REEP3: variants seen among roughly 807,000 people sequenced by gnomAD.
REEP3 encodes receptor accessory protein 3, also known as receptor expression-enhancing protein 3.
REEP3 carries 20 observed loss-of-function variants against 41.3 expected under a neutral mutation model. That is an observed-to-expected ratio of 0.48 (90% CI 0.34 to 0.70). REEP3 has a LOEUF of 0.70. Among genes scored for constraint, REEP3 ranks in the 30% least tolerant of loss-of-function variants. The pLI is 0.01. For synonymous variants in REEP3, 104 were observed against 101.8 expected, an observed-to-expected ratio of 1.02 and a Z score of -0.13; for missense variants, 271 against 308.8, an observed-to-expected ratio of 0.88 and a Z score of 0.92.
At chr10:63,546,855 T>C (rs920494700) in intron 1 of REEP3, among the ~76,000 whole-genome samples, 1 of 152,114 alleles carries the variant, frequency 6.6e-6, no homozygotes, top group African/African-American at 2.4e-5. Flanking sequence ...AAAAAATAAA[T>C]TCCAGTTGGA....
chr10:63,597,296 A>C (rs769767019), intron 3 of REEP3, among the ~76,000 whole-genome samples: 2 of 152,174 alleles, frequency 1.3e-5, no homozygotes, highest in Non-Finnish European at 2.9e-5. Flanking sequence ...ACGTGTGTGT[A>C]TGGGGTAGAC....
intron 2 of REEP3, among the ~76,000 whole-genome samples, chr10:63,573,888 C>T (rs6479908): frequency 3.9e-5 from 6 of 151,926 alleles, no homozygotes; most frequent in African/African-American, 1.5e-4. Context: ...AAAGATTAGC[C>T]TACTGATTAT....
At chr10:63,526,537 G>C (rs1158956121) in intron 1 of REEP3, among the ~76,000 whole-genome samples, 1 of 152,074 alleles carries the variant, frequency 6.6e-6, no homozygotes, top group Non-Finnish European at 1.5e-5. Context: ...TAGCAGCAAT[G>C]TGTGAGTACT....
intron 1 of REEP3, among the ~76,000 whole-genome samples, chr10:63,540,362 G>A (rs1302655194): frequency 6.6e-6 from 1 of 152,186 alleles, no homozygotes; most frequent in South Asian, 2.1e-4. Flanking sequence ...CATTTAAGCT[G>A]CCTTGAAAAG....
chr10:63,613,158 T>C (rs150029912), intron 6 of REEP3, among the ~76,000 whole-genome samples: 6,904 of 152,132 alleles, frequency 0.045, 238 homozygotes, highest in African/African-American at 0.091. Context: ...ATTAAAGGCG[T>C]GCACCACCAC....
At chr10:63,549,863 G>A (rs1389278789) in intron 1 of REEP3, among the ~76,000 whole-genome samples, 1 of 152,152 alleles carries the variant, frequency 6.6e-6, no homozygotes, top group Non-Finnish European at 1.5e-5. Context: ...CATAACCCAG[G>A]ATTGAAGTTG....
intron 1 of REEP3, among the ~76,000 whole-genome samples, chr10:63,553,140 G>A (rs1955645117): frequency 6.6e-6 from 1 of 152,154 alleles, no homozygotes; most frequent in Non-Finnish European, 1.5e-5. Flanking sequence ...GTTAATGAAA[G>A]ACAGTAAACA....
intron 1 of REEP3, among the ~76,000 whole-genome samples, chr10:63,560,332 A>G (rs1207224376): frequency 6.6e-6 from 1 of 152,176 alleles, no homozygotes; most frequent in African/African-American, 2.4e-5. Context: ...TTATTAAACC[A>G]TTATTTATAC....
chr10:63,604,098 A>G (rs1589885885), intron 5 of REEP3, among the ~76,000 whole-genome samples: 1 of 152,358 alleles, frequency 6.6e-6, no homozygotes, highest in East Asian at 1.9e-4. Context: ...AAGAACGGGT[A>G]ATAACGCTGA....
intron 1 of REEP3, among the ~76,000 whole-genome samples, chr10:63,545,316 A>G (rs577908683): frequency 6.6e-6 from 1 of 152,308 alleles, no homozygotes; most frequent in African/African-American, 2.4e-5. Flanking sequence ...ACCTATTTGA[A>G]ACTGTGTATT....
At chr10:63,535,103 G>C (rs1254025829) in intron 1 of REEP3, among the ~76,000 whole-genome samples, 1 of 152,012 alleles carries the variant, frequency 6.6e-6, no homozygotes, top group African/African-American at 2.4e-5. Flanking sequence ...AATTTTTAAA[G>C]ATTAGAAATA....
At chr10:63,544,114 A>G (rs1207484344) in intron 1 of REEP3, among the ~76,000 whole-genome samples, 1 of 152,246 alleles carries the variant, frequency 6.6e-6, no homozygotes, top group Non-Finnish European at 1.5e-5. Flanking sequence ...AAAAGGCCCC[A>G]GTCAGAGAGA....
intron 2 of REEP3, among the ~76,000 whole-genome samples, chr10:63,593,677 C>T (rs1002980742): frequency 5.9e-5 from 9 of 152,010 alleles, no homozygotes; most frequent in South Asian, 2.1e-4. Flanking sequence ...GTACTGAGGT[C>T]GATGAAAAAA....
chr10:63,586,477 T>G (rs1348521403), intron 2 of REEP3, among the ~76,000 whole-genome samples: 2 of 152,200 alleles, frequency 1.3e-5, no homozygotes, highest in Non-Finnish European at 2.9e-5. Flanking sequence ...ATTTGAGGAT[T>G]ATTTTACTTA....
At chr10:63,544,817 T>A (rs1201135369) in intron 1 of REEP3, among the ~76,000 whole-genome samples, 1 of 152,206 alleles carries the variant, frequency 6.6e-6, no homozygotes, top group Non-Finnish European at 1.5e-5. Context: ...TTGGTAAAAC[T>A]GCTATTGGAA....
chr10:63,595,102 T>C (rs1956101624), intron 3 of REEP3, among the ~76,000 whole-genome samples: 1 of 152,188 alleles, frequency 6.6e-6, no homozygotes, highest in Non-Finnish European at 1.5e-5. Context: ...CCCAGTATCT[T>C]GGAATAGGGA....
rs191943769 is a variant in REEP3, at chr10:63,600,989, C to G, written c.417+1706C>G. On this transcript the variant is annotated intron_variant, in intron 5 of 7. Transcript: ENST00000373758. Reference sequence around the variant, plus strand: ...CCAACATGGTGAAACCCCGTCTCTACTAAAAATACAAAGATTAGCTGGGCG... The same window carrying G: ...CCAACATGGTGAAACCCCGTCTCTAGTAAAAATACAAAGATTAGCTGGGCG... Among the ~76,000 whole-genome samples the G allele has an allele frequency of 2.0e-5, 3 of 152,090 alleles. 1 individual carries two copies. The East Asian group carries it at 5.8e-4, about 30-fold the overall frequency.
chr10:63,580,024 A>G (rs1471955698), intron 2 of REEP3, among the ~76,000 whole-genome samples: 1 of 152,250 alleles, frequency 6.6e-6, no homozygotes, highest in Non-Finnish European at 1.5e-5. Context: ...CATTGACTAT[A>G]AGAGAAATCA....
In REEP3 at chr10:63,602,614, C is replaced by A. The variant is rs112841499; in HGVS notation, c.417+3331C>A. 3.0e-3 allele frequency among the ~76,000 whole-genome samples: 455 copies of A among 152,288 alleles called. 2 individuals carry two copies. Among genetic ancestry groups the A allele is most frequent in the African/African-American group, 0.01 (422 of 41,554 alleles). On this transcript the variant is annotated intron_variant, in intron 5 of 7. Transcript: ENST00000373758. ...TCCCATTTTTCCTCCTCACTTTTAA[C>A]ATTTGTGTATAATAATCTATTATTC...
Sources: allele counts gnomAD v4.1 joint callset (sites outside exome capture counted in the v4.1 genomes callset), GRCh38; gene constraint gnomAD v4.1.1; transcripts MANE v1.5; gene names NCBI Gene and HGNC (gene_info 2026-07-23, HGNC 2026-07-21).